BMP2K: variants seen among roughly 807,000 people sequenced by gnomAD.
BMP2K encodes BMP-2-inducible protein kinase.
Under a neutral mutation model 116.0 loss-of-function variants are expected in BMP2K, and 74 were observed. The ratio of observed to expected loss-of-function variants is 0.64; its 90% CI spans 0.53 to 0.77. The LOEUF (loss-of-function observed/expected upper bound fraction) is 0.77, where lower values mean the gene tolerates loss of function less well. Ranked by LOEUF, BMP2K falls within the 30% of genes least tolerant of loss-of-function variation. The pLI, the probability that BMP2K is intolerant of heterozygous loss-of-function variation, is 0.00. For missense variants in BMP2K, 1,365 were observed against 1,403.6 expected (o/e 0.97, Z 0.44); for synonymous variants, 486 against 502.5 (o/e 0.97, Z 0.44).
intron 1 of BMP2K, among the ~76,000 whole-genome samples, chr4:78,813,392 A>G (rs185667800): frequency 4.5e-4 from 69 of 152,302 alleles, no homozygotes; most frequent in African/African-American, 1.5e-3. Flanking sequence ...GAGTCCAGTC[A>G]TGCCACTCCT....
At chr4:78,873,314 A>T (rs1363527948) in intron 13 of BMP2K, among the ~76,000 whole-genome samples, 1 of 152,230 alleles carries the variant, frequency 6.6e-6, no homozygotes, top group Non-Finnish European at 1.5e-5. Context: ...GGCTATTGAG[A>T]CATATTGGTT....
Position 78,776,367 on chromosome 4 carries a change from G to A in BMP2K, c.-177G>A. 1.9e-6 allele frequency: 1 copy of A among 532,470 alleles called. No individual in the cohort carries two copies. The highest frequency in any genetic ancestry group is 2.5e-6 in the Non-Finnish European group (1 of 399,948). The allele number at this position is 532,470 out of a possible 1,614,324, so 33.0% of individuals were successfully genotyped here. ...AGCCGGGCAGCTGCAGCGGAGCCGCGGAGCGGGCGGCGGGGCCCAGGCTGT... is the reference window on the plus strand; with the variant it reads ...AGCCGGGCAGCTGCAGCGGAGCCGCAGAGCGGGCGGCGGGGCCCAGGCTGT... On this transcript the variant is annotated 5_prime_UTR_variant, in exon 1 of 16. Transcript: ENST00000502613.
chr4:78,832,339 G>T (rs531472736), intron 2 of BMP2K, among the ~76,000 whole-genome samples: 78 of 152,250 alleles, frequency 5.1e-4, no homozygotes, highest in African/African-American at 1.8e-3. Flanking sequence ...ATTAATGTCA[G>T]TTGTACTTAT....
At position 78,867,724 on chromosome 4, in the gene BMP2K, TA is replaced by T. The variant is rs558166630; in HGVS notation, c.1231+2005del. On this transcript the variant is annotated intron_variant, in intron 10 of 15. Transcript: ENST00000502613. ...TCTTCCCAGTCCTTTTTTATGTTTT[TA>T]CATGTGTATATACAGATATAAATAA... is the stretch of plus-strand genomic sequence containing the variant. 8.5e-5 allele frequency among the ~76,000 whole-genome samples: 13 copies of T among 152,338 alleles called. No homozygotes were observed. In the East Asian group the frequency reaches 2.1e-3, roughly 25 times the overall value.
intron 14 of BMP2K, among the ~76,000 whole-genome samples, chr4:78,881,165 T>A (rs532395666): frequency 6.6e-6 from 1 of 152,372 alleles, no homozygotes; most frequent in South Asian, 2.1e-4. Context: ...GATAATTAAA[T>A]GATGTCTTTA....
intron 2 of BMP2K, among the ~76,000 whole-genome samples, chr4:78,831,835 T>C (rs903906806): frequency 1.3e-5 from 2 of 152,194 alleles, no homozygotes; most frequent in African/African-American, 4.8e-5. Context: ...TGCTCAGTGC[T>C]CTGGATGGCT....
intron 3 of BMP2K, among the ~76,000 whole-genome samples, chr4:78,835,715 C>A (rs929928141): frequency 1.3e-5 from 2 of 151,354 alleles, no homozygotes; most frequent in African/African-American, 4.9e-5. Flanking sequence ...CAGAGGTAGT[C>A]CCTTTAAAAT....
At chr4:78,780,866 G>T (rs1259384956) in intron 1 of BMP2K, among the ~76,000 whole-genome samples, 2 of 152,204 alleles carry the variant, frequency 1.3e-5, no homozygotes, top group Non-Finnish European at 2.9e-5. Context: ...TGAAGACAAT[G>T]CTCAGGGTTT....
chr4:78,805,443 G>A (rs1728769873), intron 1 of BMP2K, among the ~76,000 whole-genome samples: 1 of 152,150 alleles, frequency 6.6e-6, no homozygotes, highest in Non-Finnish European at 1.5e-5. Flanking sequence ...AGTTCTGAAA[G>A]ACAGGGATTT....
In BMP2K at chr4:78,887,237, A is replaced by G. The variant is rs1405725933; in HGVS notation, c.2015A>G (p.His672Arg). Reference protein sequence around the residue: ...NVDSLSAPHNHPPEDPFGSVP... With the variant: ...NVDSLSAPHNRPPEDPFGSVP... ...GACTCACTTTCTGCTCCACATAACC[A>G]TCCTCCAGAAGATCCTTTTGGTTCT... The change falls in exon 15 of 16, where the codon CAT (histidine) becomes CGT (arginine). Residue 672 changes from histidine to arginine, a missense_variant. His to Arg is a conservative substitution (Grantham distance 29). This residue lies in a region of BMP2K where 596 missense variants were observed against 623.2 expected (regional missense o/e 0.96). Transcript: ENST00000502613. 2 of 1,611,692 alleles carry G rather than the reference A, an allele frequency of 1.2e-6. No homozygotes were observed. The highest frequency in any genetic ancestry group is 1.3e-5 in the African/African-American group (1 of 74,888).
rs1224188110 is a variant in BMP2K at position 78,878,782 on chromosome 4, C to T, written c.1842C>T (p.Asn614=). 1.2e-6 allele frequency: 2 copies of T among 1,612,678 alleles called. No individual in the cohort carries two copies. The highest frequency in any genetic ancestry group is 1.3e-5 in the African/African-American group (1 of 74,814). ...TTGCAAATTTCACAAATCAGAAGAA[C>T]ATCAGCAATCCACCTGATATGTCAG... ...EAIANFTNQK[N]ISNPPDMSGW... Residue 614 remains asparagine, a synonymous_variant, in exon 14 of 16, where the codon AAC becomes AAT. Transcript: ENST00000502613.
intron 1 of BMP2K, among the ~76,000 whole-genome samples, chr4:78,782,527 G>A (rs1344205644): frequency 6.6e-6 from 1 of 152,138 alleles, no homozygotes; most frequent in Non-Finnish European, 1.5e-5. Context: ...CCAATGGAGG[G>A]CTCTTTACTG....
chr4:78,910,954 G>C lies in BMP2K; in HGVS notation c.2407G>C (p.Asp803His). The change falls in exon 16 of 16, where the codon GAT becomes CAT. Residue 803 changes from aspartate (D) to histidine (H), a missense_variant. Transcript: ENST00000502613. Reference protein sequence around the residue: ...DEEEEEKHSSDSDYEQAKAKY... With the variant: ...DEEEEEKHSSHSDYEQAKAKY... ...GGAAGAAGAGGAGAAACATAGCTCTGATTCTGATTATGAGCAGGCTAAAGC... is the reference window on the plus strand; with the variant it reads ...GGAAGAAGAGGAGAAACATAGCTCTCATTCTGATTATGAGCAGGCTAAAGC... The C allele has an allele frequency of 6.2e-7, 1 of 1,613,670 alleles. No individual in the cohort carries two copies. The highest frequency in any genetic ancestry group is 8.5e-7 in the Non-Finnish European group (1 of 1,179,758).
At chr4:78,800,535 A>G (rs1300040667) in intron 1 of BMP2K, among the ~76,000 whole-genome samples, 1 of 152,180 alleles carries the variant, frequency 6.6e-6, no homozygotes, top group Non-Finnish European at 1.5e-5. Flanking sequence ...TTCTACTTTA[A>G]TGAGCCGTAT....
intron 1 of BMP2K, among the ~76,000 whole-genome samples, chr4:78,797,472 C>G (rs551393112): frequency 3.6e-4 from 55 of 152,116 alleles, no homozygotes; most frequent in Admixed American, 6.5e-4. Context: ...CCCAGAGATT[C>G]AATTCCAGGT....
chr4:78,896,021 A>G (rs1477050989), intron 15 of BMP2K, among the ~76,000 whole-genome samples: 1 of 152,164 alleles, frequency 6.6e-6, no homozygotes, highest in Non-Finnish European at 1.5e-5. Context: ...GGCCTCCCAC[A>G]ATGCTGGGAT....
At position 78,859,614 on chromosome 4, in the gene BMP2K, G is replaced by A; in HGVS notation, c.914G>A (p.Arg305Lys). The A allele has an allele frequency of 6.2e-7, 1 of 1,610,440 alleles. No homozygotes were observed. Among genetic ancestry groups the A allele is most frequent in the Non-Finnish European group, 8.5e-7 (1 of 1,178,200 alleles). Residue 305 changes from arginine (R) to lysine (K), a missense_variant, in exon 8 of 16, where the codon AGA becomes AAA. Arg to Lys is a conservative substitution (Grantham distance 26). Coordinates refer to ENST00000502613, the MANE Select transcript of BMP2K (RefSeq NM_198892.2). Reference sequence around the variant, plus strand: ...ATGCTTGAACCAGATCCGGAACATAGACCTGATATATTTCAAGTGTCATAT... The same window carrying A: ...ATGCTTGAACCAGATCCGGAACATAAACCTGATATATTTCAAGTGTCATAT... ...RFMLEPDPEH[R>K]PDIFQVSYFA...
intron 1 of BMP2K, among the ~76,000 whole-genome samples, chr4:78,824,747 A>C (rs1729789653): frequency 6.6e-6 from 1 of 152,226 alleles, no homozygotes; most frequent in African/African-American, 2.4e-5. Context: ...AAATTAATGC[A>C]AGTGACATAC....
At chr4:78,875,390 T>C (rs935846581) in intron 13 of BMP2K, among the ~76,000 whole-genome samples, 5 of 152,148 alleles carry the variant, frequency 3.3e-5, no homozygotes, top group Non-Finnish European at 7.4e-5. Flanking sequence ...TTTTCTACTA[T>C]CTTTTGCTAA....
Sources: allele counts gnomAD v4.1 joint callset (sites outside exome capture counted in the v4.1 genomes callset), GRCh38; gene constraint gnomAD v4.1.1; regional missense constraint gnomAD v4.1.1; transcripts MANE v1.5; gene names NCBI Gene and HGNC (gene_info 2026-07-23, HGNC 2026-07-21).